CCDC93: variants seen among roughly 807,000 people sequenced by gnomAD.
The protein encoded by CCDC93 is coiled-coil domain-containing protein 93.
A neutral mutation model predicts 108.2 loss-of-function variants in CCDC93; 61 were observed. That is an observed-to-expected ratio of 0.56 (90% confidence interval 0.46 to 0.70). CCDC93 has a LOEUF of 0.70. Among genes scored for constraint, CCDC93 ranks in the 30% least tolerant of loss-of-function variants. The probability of loss-of-function intolerance (pLI) is 0.00; values close to 1 mark genes in which losing one functional copy is unlikely to be tolerated. For synonymous variants in CCDC93, 276 were observed against 260.4 expected (o/e 1.06, Z -0.58); for missense variants, 685 against 764.2 (o/e 0.90, Z 1.22).
intron 6 of CCDC93, 89 bp from the exon 7 acceptor site, chr2:117,986,158 CTCTT>C (rs1466669295): frequency 2.9e-6 from 1 of 350,870 alleles, no homozygotes; most frequent in Non-Finnish European, 4.9e-6. Flanking sequence ...GGGGTATATT[CTCTT>C]TTTTTTTTTT....
intron 22 of CCDC93, among the ~76,000 whole-genome samples, chr2:117,933,319 G>A (rs1678405302): frequency 6.8e-6 from 1 of 146,962 alleles, no homozygotes; most frequent in Non-Finnish European, 1.5e-5. Context: ...ATGAGAAGCA[G>A]GAGTTGACTC....
intron 15 of CCDC93, among the ~76,000 whole-genome samples, chr2:117,947,422 T>C (rs1678908294): frequency 6.6e-6 from 1 of 152,156 alleles, no homozygotes; most frequent in South Asian, 2.1e-4. Flanking sequence ...CCCCCACGAC[T>C]AGACTACAAG....
At chr2:117,996,636 T>C (rs1465401097) in intron 4 of CCDC93, 23 of 282,520 alleles carry the variant, frequency 8.1e-5, no homozygotes, top group African/African-American at 2.2e-5. Flanking sequence ...TCTGTAAAAG[T>C]ATATCAGTTC....
chr2:117,940,425 GCAGTGTGTGGACTGGCAAGGC>G (rs1409558351), intron 19 of CCDC93, among the ~76,000 whole-genome samples: 2 of 152,236 alleles, frequency 1.3e-5, no homozygotes, highest in African/African-American at 4.8e-5. Flanking sequence ...TTGTTCAGAG[GCAGTGTGTGGACTGGCAAGGC>G]CAGAGTGAGG....
chr2:117,964,270 A>T (rs543696346), intron 11 of CCDC93, among the ~76,000 whole-genome samples: 2 of 152,336 alleles, frequency 1.3e-5, no homozygotes, highest in South Asian at 4.1e-4. Flanking sequence ...TAATCTAGCC[A>T]GACAAAACCA....
At chr2:117,967,516 G>C (rs1679626339) in intron 11 of CCDC93, among the ~76,000 whole-genome samples, 1 of 152,192 alleles carries the variant, frequency 6.6e-6, no homozygotes, top group African/African-American at 2.4e-5. Flanking sequence ...GTAGGCAGTT[G>C]AATAGTGGGA....
chr2:117,955,376 A>G (rs1679185219), intron 12 of CCDC93, among the ~76,000 whole-genome samples: 1 of 148,648 alleles, frequency 6.7e-6, no homozygotes, highest in Non-Finnish European at 1.5e-5. Flanking sequence ...TGTGGGATGT[A>G]AAGAGTTTGG....
Position 117,963,798 on chromosome 2 carries a change from C to T in CCDC93, c.889-5317G>A, listed in dbSNP as rs143443935. Among the ~76,000 whole-genome samples the T allele has an allele frequency of 1.6e-4, 24 of 152,324 alleles. No individual in the cohort carries two copies. In the East Asian group the frequency reaches 2.5e-3, roughly 16 times the overall value. On this transcript the variant is annotated intron_variant, in intron 11 of 23. Transcript: ENST00000376300. ...TACAACTCACTTTTCTGAAATTCAA[C>T]AGTTTTTTCATTTTTCTTAAGTGAT...
intron 7 of CCDC93, among the ~76,000 whole-genome samples, chr2:117,985,654 G>A (rs1360318684): frequency 6.6e-6 from 1 of 152,078 alleles, no homozygotes; most frequent in Non-Finnish European, 1.5e-5. Flanking sequence ...TGAAATCACT[G>A]AAACTGTTTT....
intron 12 of CCDC93, among the ~76,000 whole-genome samples, chr2:117,956,314 G>A (rs749562820): frequency 6.6e-6 from 1 of 152,208 alleles, no homozygotes. Flanking sequence ...GGGTAAAAGT[G>A]TTCTGAACCA....
At chr2:117,963,945 G>C (rs1235356572) in intron 11 of CCDC93, among the ~76,000 whole-genome samples, 1 of 152,168 alleles carries the variant, frequency 6.6e-6, no homozygotes, top group Non-Finnish European at 1.5e-5. Context: ...TGTGGCTTGA[G>C]ATCATTTTAC....
chr2:118,011,413 T>C (rs1226416389), intron 1 of CCDC93, among the ~76,000 whole-genome samples: 1 of 152,164 alleles, frequency 6.6e-6, no homozygotes, highest in Non-Finnish European at 1.5e-5. Context: ...CACTAGTTCC[T>C]AGTGGACATA....
At chr2:117,981,005 C>G (rs542238381) in intron 7 of CCDC93, among the ~76,000 whole-genome samples, 1 of 152,260 alleles carries the variant, frequency 6.6e-6, no homozygotes, top group Non-Finnish European at 1.5e-5. Context: ...CAAAGTTCAT[C>G]CAGGTTGAAG....
intron 1 of CCDC93, among the ~76,000 whole-genome samples, chr2:118,011,623 C>T (rs947031517): frequency 2.0e-5 from 3 of 151,882 alleles, no homozygotes; most frequent in African/African-American, 7.3e-5. Context: ...AACAGGAACA[C>T]TTCATTTGTT....
At chr2:117,947,228 T>C (rs1449191127) in intron 15 of CCDC93, among the ~76,000 whole-genome samples, 1 of 152,210 alleles carries the variant, frequency 6.6e-6, no homozygotes, top group Non-Finnish European at 1.5e-5. Context: ...CAGCTGTCCA[T>C]CTTCCAGCCT....
chr2:117,941,417 G>T, intron 18 of CCDC93, 120 bp from the exon 19 acceptor site: 1 of 697,778 alleles, frequency 1.4e-6, no homozygotes. Context: ...TACAATGCAG[G>T]CACAAACTCC....
chr2:117,999,407 T>C (rs1680763990), intron 4 of CCDC93: 1 of 152,262 alleles, frequency 6.6e-6, no homozygotes, highest in African/African-American at 2.4e-5. Flanking sequence ...AGTCTCATTT[T>C]TCCCAAATGT....
intron 1 of CCDC93, among the ~76,000 whole-genome samples, chr2:118,009,145 C>T (rs1412393135): frequency 2.6e-5 from 4 of 151,700 alleles, no homozygotes; most frequent in African/African-American, 7.3e-5. Context: ...CTGAGGCGGG[C>T]GGATCACTTG....
intron 3 of CCDC93, among the ~76,000 whole-genome samples, chr2:118,001,551 G>C (rs1558804521): frequency 6.9e-6 from 1 of 144,312 alleles, no homozygotes; most frequent in African/African-American, 2.6e-5. Flanking sequence ...TTTCCATACA[G>C]AAGAGATATT....
Sources: allele counts gnomAD v4.1 joint callset (sites outside exome capture counted in the v4.1 genomes callset), GRCh38; gene constraint gnomAD v4.1.1; transcripts MANE v1.5; gene names NCBI Gene and HGNC (gene_info 2026-07-23, HGNC 2026-07-21).